The following GABRG3 variants were observed in gnomAD, a reference collection of about 807,000 sequenced individuals.
GABRG3 encodes gamma-aminobutyric acid type A receptor subunit gamma3.
Under a neutral mutation model 48.8 loss-of-function variants are expected in GABRG3, and 25 were observed. The ratio of observed to expected loss-of-function variants is 0.51; its 90% CI spans 0.37 to 0.72. The LOEUF (loss-of-function observed/expected upper bound fraction) is 0.72. Ranked by LOEUF, GABRG3 falls within the 30% of genes least tolerant of loss-of-function variation. The pLI, the probability that GABRG3 is intolerant of heterozygous loss-of-function variation, is 0.00. For synonymous variants in GABRG3, 227 were observed against 217.6 expected, an observed-to-expected ratio of 1.04 and a Z score of -0.38; for missense variants, 394 against 577.9, an observed-to-expected ratio of 0.68 and a Z score of 3.26.
intron 3 of GABRG3, among the ~76,000 whole-genome samples, chr15:27,226,154 G>A (rs1298475470): frequency 6.6e-6 from 1 of 151,990 alleles, no homozygotes; most frequent in East Asian, 1.9e-4. Flanking sequence ...CTGGCAGAGG[G>A]GTGAGAATAG....
At chr15:27,273,055 G>T (rs542358715) in intron 3 of GABRG3, among the ~76,000 whole-genome samples, 1 of 152,138 alleles carries the variant, frequency 6.6e-6, no homozygotes, top group Non-Finnish European at 1.5e-5. Context: ...ACCAAAATAG[G>T]TGGTGGGCTA....
chr15:27,152,398 G>T (rs1898333714), intron 3 of GABRG3, among the ~76,000 whole-genome samples: 1 of 152,064 alleles, frequency 6.6e-6, no homozygotes, highest in South Asian at 2.1e-4. Flanking sequence ...AAAAATTCTT[G>T]AATTAGGTAA....
At chr15:27,185,019 A>G (rs1054644258) in intron 3 of GABRG3, among the ~76,000 whole-genome samples, 2 of 150,862 alleles carry the variant, frequency 1.3e-5, no homozygotes, top group South Asian at 2.1e-4. Flanking sequence ...ATTGTTTTCT[A>G]TTTTCAGTTT....
chr15:27,255,035 G>A (rs778498469), intron 3 of GABRG3, among the ~76,000 whole-genome samples: 5 of 152,120 alleles, frequency 3.3e-5, no homozygotes, highest in Non-Finnish European at 7.4e-5. Flanking sequence ...CTCTGCTCAG[G>A]CCTTTGCAGT....
intron 5 of GABRG3, among the ~76,000 whole-genome samples, chr15:27,410,035 C>T (rs1887749411): frequency 6.6e-6 from 1 of 152,060 alleles, no homozygotes; most frequent in South Asian, 2.1e-4. Flanking sequence ...AGTCTTCAAC[C>T]ATGAAGTGTG....
At chr15:27,341,134 G>A (rs1566794425) in intron 5 of GABRG3, 1 of 279,490 alleles carries the variant, frequency 3.6e-6, no homozygotes, top group Non-Finnish European at 7.4e-6. Flanking sequence ...GTTTTGTTTT[G>A]TTTTTATATG....
intron 5 of GABRG3, among the ~76,000 whole-genome samples, chr15:27,466,835 G>A (rs1889627791): frequency 6.6e-6 from 1 of 152,218 alleles, no homozygotes; most frequent in African/African-American, 2.4e-5. Flanking sequence ...GCAGCCAAGG[G>A]CTGGAGACCC....
chr15:27,072,651 T>C (rs1896848028), intron 3 of GABRG3, among the ~76,000 whole-genome samples: 1 of 152,218 alleles, frequency 6.6e-6, no homozygotes, highest in South Asian at 2.1e-4. Flanking sequence ...CAAGCTGGCC[T>C]GAGGGAGAAG....
At chr15:27,238,646 T>C (rs1890046747) in intron 3 of GABRG3, among the ~76,000 whole-genome samples, 1 of 152,362 alleles carries the variant, frequency 6.6e-6, no homozygotes, top group Non-Finnish European at 1.5e-5. Context: ...GTGTGTGACA[T>C]GTAATTGACT....
At chr15:27,094,247 C>T (rs917076464) in intron 3 of GABRG3, among the ~76,000 whole-genome samples, 1 of 152,126 alleles carries the variant, frequency 6.6e-6, no homozygotes, top group Non-Finnish European at 1.5e-5. Context: ...CAGGGGTGAG[C>T]ATTATTTCCT....
chr15:26,991,705 ATTTCT>A (rs1048188492), intron 2 of GABRG3, among the ~76,000 whole-genome samples: 13 of 151,662 alleles, frequency 8.6e-5, no homozygotes, highest in African/African-American at 2.7e-4. Flanking sequence ...TACTTTTAAT[ATTTCT>A]TTTCTTTTCT....
intron 3 of GABRG3, among the ~76,000 whole-genome samples, chr15:27,323,047 G>A (rs1446106898): frequency 6.6e-6 from 1 of 152,060 alleles, no homozygotes; most frequent in Admixed American, 6.6e-5. Flanking sequence ...GTGCTTTATG[G>A]GGAAGGGGCA....
rs1887863460 is a variant in GABRG3 at position 27,179,692 on chromosome 15, T to C, written c.271-147117T>C. Among the ~76,000 whole-genome samples, 1 of 152,218 alleles carries C rather than the reference T, an allele frequency of 6.6e-6. No homozygotes were observed. The highest frequency in any genetic ancestry group is 2.1e-4 in the South Asian group (1 of 4,836). ...ATTCATCTTGTATCTTCAGAAGTTT[T>C]GTTTGATTCTCTATTTGTTGCCATC... On this transcript the variant is annotated intron_variant, in intron 3 of 9. Transcript: ENST00000615808. This position sits in a 1 kb window ranked among gnomAD's most constrained non-coding sequence, Gnocchi z 4.0.
In GABRG3 at chr15:27,351,580, GGT is replaced by G. The variant is rs1361345849; in HGVS notation, c.574+22701_574+22702del. Reference sequence around the variant, plus strand: ...GTGTGTGTATGGTGTATGTGTGTATGGTGTGTGTGTATGGCGTTTGTGTGTGT... The same window carrying G: ...GTGTGTGTATGGTGTATGTGTGTATGGTGTGTGTATGGCGTTTGTGTGTGT... On this transcript the variant is annotated intron_variant, in intron 5 of 9. Coordinates refer to ENST00000615808, the MANE Select transcript of GABRG3 (RefSeq NM_033223.5). Among the ~76,000 whole-genome samples, 9 of 145,858 alleles carry G rather than the reference GGT, an allele frequency of 6.2e-5. No individual in the cohort carries two copies. In the East Asian group the frequency reaches 6.4e-4, roughly 10 times the overall value.
At chr15:27,376,026 G>A (rs1395949130) in intron 5 of GABRG3, among the ~76,000 whole-genome samples, 3 of 152,194 alleles carry the variant, frequency 2.0e-5, no homozygotes, top group African/African-American at 7.2e-5. Context: ...AGATACAATA[G>A]GGGTACAGGC....
In GABRG3 at chr15:27,377,066, G is replaced by A. The variant is rs545291938; in HGVS notation, c.574+48178G>A. Among the ~76,000 whole-genome samples the A allele has an allele frequency of 1.2e-4, 18 of 152,246 alleles. No individual in the cohort carries two copies. The South Asian group carries it at 3.3e-3, about 28-fold the overall frequency. ...CTAAATAATCTCTCTCAAGTTCAAA[G>A]TTCCACAGATCTCTAGGGCAGGGGC... is the stretch of plus-strand genomic sequence containing the variant. On this transcript the variant is annotated intron_variant, in intron 5 of 9. Coordinates refer to ENST00000615808, the MANE Select transcript of GABRG3 (RefSeq NM_033223.5).
At chr15:27,019,031 A>G (rs1028058774) in intron 2 of GABRG3, among the ~76,000 whole-genome samples, 29 of 132,054 alleles carry the variant, frequency 2.2e-4, no homozygotes, top group African/African-American at 7.9e-4. Flanking sequence ...TACTAATCCC[A>G]TTGAAGTATT....
intron 3 of GABRG3, among the ~76,000 whole-genome samples, chr15:27,049,808 TG>T (rs1401217559): frequency 6.6e-6 from 1 of 152,228 alleles, no homozygotes; most frequent in Non-Finnish European, 1.5e-5. Context: ...AGCAGGGCTC[TG>T]GGAGGGGCAC....
At position 27,121,325 on chromosome 15, in the gene GABRG3, C is replaced by G. The variant is rs1161807661; in HGVS notation, c.270+94504C>G. On this transcript the variant is annotated intron_variant, in intron 3 of 9. Transcript: ENST00000615808. The stretch of plus-strand genomic sequence containing the variant: ...GGTAGATGTTCACAGGCTCCAGATG[C>G]CTTTGCCCTTGGAGAGTGCTCACAT... Among the ~76,000 whole-genome samples the G allele has an allele frequency of 5.9e-5, 9 of 152,174 alleles. 1 individual carries two copies. The highest frequency in any genetic ancestry group is 4.6e-4 in the Admixed American group (7 of 15,274).
Sources: gnomAD v4.1 joint callset for allele counts (sites outside exome capture counted in the v4.1 genomes callset) on GRCh38, gnomAD v4.1.1 for gene constraint, Gnocchi (gnomAD v3.1) non-coding constraint, MANE v1.5 for transcripts, NCBI Gene and HGNC (gene_info 2026-07-23, HGNC 2026-07-21) for gene names.